The following CCDC187 variants were observed in gnomAD, a reference collection of about 807,000 sequenced individuals.
The protein encoded by CCDC187 is coiled-coil domain containing 187, also known as coiled-coil domain-containing protein 187.
CCDC187 carries 32 observed loss-of-function variants against 38.0 expected under a neutral mutation model. The observed-to-expected ratio is 0.84, with a 90% CI of 0.64 to 1.13. CCDC187 has a LOEUF of 1.13. CCDC187 is among the 50% of genes most tolerant of loss of function. CCDC187 has a pLI of 0.00. For synonymous variants in CCDC187, 333 were observed against 347.9 expected (o/e 0.96, Z 0.48); for missense variants, 707 against 786.8 (o/e 0.90, Z 1.21).
At chr9:136,278,861 G>C (rs1239452801) in intron 10 of CCDC187, among the ~76,000 whole-genome samples, 2 of 151,720 alleles carry the variant, frequency 1.3e-5, no homozygotes, top group East Asian at 3.9e-4. Context: ...TTCATGGCTT[G>C]ACAGCCACAT....
rs1214387777 is a variant in CCDC187 at position 136,267,405 on chromosome 9, G to A, written c.3626C>T (p.Ala1209Val). ...TCACCCTCGTCGATGCTCCAGCCAG[G>A]CCAGCTCCGCGAGCGTTTTCTCCTG... ...ALQEKTLAELAWLEHRRGCLD... is the reference protein window; with the variant it reads ...ALQEKTLAELVWLEHRRGCLD... The change falls in exon 16 of 26, where the codon GCC becomes GTC. Residue 1209 changes from alanine to valine, a missense_variant. By Grantham distance (64) the Ala-to-Val change is moderately conservative (BLOSUM62 0). Coordinates refer to ENST00000638797, the MANE Select transcript of CCDC187 (RefSeq NM_001378188.1). The A allele has an allele frequency of 1.0e-6, 1 of 985,546 alleles. No homozygotes were observed. Among genetic ancestry groups the A allele is most frequent in the Non-Finnish European group, 1.2e-6 (1 of 830,024 alleles). 61.1% of individuals were successfully genotyped at this position (985,546 alleles called of 1,614,324 possible).
intron 4 of CCDC187, among the ~76,000 whole-genome samples, chr9:136,293,237 T>TCACA (rs1472684219): frequency 8.4e-6 from 1 of 119,642 alleles, no homozygotes; most frequent in Admixed American, 8.6e-5. Context: ...ACTCACACGC[T>TCACA]CACACTCACA....
chr9:136,256,440 C>A (rs1830613710), intron 23 of CCDC187, 117 bp from the exon 24 acceptor site: 1 of 333,872 alleles, frequency 3.0e-6, no homozygotes, highest in Admixed American at 6.5e-5. Context: ...ACAAAGACCA[C>A]TCAAAAGAGG....
chr9:136,290,991 G>A lies in CCDC187; in HGVS notation c.1622C>T (p.Pro541Leu). Residue 541 changes from proline to leucine, a missense_variant, in exon 6 of 26, where the codon CCA (proline) becomes CTA (leucine). Coordinates refer to ENST00000638797, the MANE Select transcript of CCDC187 (RefSeq NM_001378188.1). ...PWSAVATQPC[P>L]RRAWTACETW... ...TTCACAGGCAGTCCAGGCCCTCCGT[G>A]GACAGGGCTGTGTGGCTACAGCACT... 2.5e-6 allele frequency: 1 copy of A among 398,700 alleles called. No individual in the cohort carries two copies. The highest frequency in any genetic ancestry group is 4.4e-6 in the Non-Finnish European group (1 of 226,128). The allele number at this position is 398,700 out of a possible 1,614,324, so 24.7% of individuals were successfully genotyped here.
At position 136,253,498 on chromosome 9, in the gene CCDC187, G is replaced by T; in HGVS notation, c.*96C>A. ...GCCAGCTGACAGGTTCAGGCCACTG[G>T]CTGCCTCCGGCCTCATCCCCTGCTG... On this transcript the variant is annotated 3_prime_UTR_variant, in exon 26 of 26. Transcript: ENST00000638797. 2.9e-6 allele frequency: 2 copies of T among 686,626 alleles called. No homozygotes were observed. Among genetic ancestry groups the T allele is most frequent in the Non-Finnish European group, 3.6e-6 (2 of 556,852 alleles). 42.5% of individuals were successfully genotyped at this position (686,626 alleles called of 1,614,324 possible).
At chr9:136,274,018 G>A (rs1830884561) in intron 14 of CCDC187, among the ~76,000 whole-genome samples, 2 of 152,242 alleles carry the variant, frequency 1.3e-5, no homozygotes. Flanking sequence ...AGGTTTCTGT[G>A]CAGCCCACGC....
At chr9:136,289,183 G>C (rs1344876191) in intron 7 of CCDC187, among the ~76,000 whole-genome samples, 8 of 152,194 alleles carry the variant, frequency 5.3e-5, no homozygotes, top group Non-Finnish European at 1.0e-4. Context: ...AGAGAAGCCA[G>C]ACCCGTACTT....
intron 3 of CCDC187, among the ~76,000 whole-genome samples, chr9:136,298,272 C>T (rs1415596078): frequency 6.6e-6 from 1 of 152,180 alleles, no homozygotes; most frequent in Non-Finnish European, 1.5e-5. Context: ...AGAGTGGCAG[C>T]GGCCGGACTG....
chr9:136,259,699 G>A (rs1554760759), intron 20 of CCDC187, among the ~76,000 whole-genome samples: 1 of 152,188 alleles, frequency 6.6e-6, no homozygotes, highest in African/African-American at 2.4e-5. Context: ...GCGCAGGGCA[G>A]GCCCTGCCCA....
In CCDC187 at chr9:136,256,719, G is replaced by A. The variant is rs144119258; in HGVS notation, c.4489C>T (p.Pro1497Ser). 3.9e-5 allele frequency: 6 copies of A among 152,362 alleles called. No homozygotes were observed. Among genetic ancestry groups the A allele is most frequent in the African/African-American group, 1.2e-4 (5 of 41,576 alleles). The allele number at this position is 152,362 out of a possible 1,614,324, so 9.4% of individuals were successfully genotyped here. A position where few individuals can be genotyped will look rare whatever the true frequency, so the allele number is the denominator to read the frequency against. ...ACCCGACTCACGCTGGCTTCTTGTG[G>A]GCCACAAGGACCTTCTCTGCCGCAG... ...RSCGREGPCG[P>S]QEASQVAEDS... Residue 1497 changes from proline to serine, a missense_variant, in exon 23 of 26, where the codon CCA becomes TCA. Coordinates refer to ENST00000638797, the MANE Select transcript of CCDC187 (RefSeq NM_001378188.1).
chr9:136,251,381 G>A lies in CCDC187; in HGVS notation c.*2213C>T, dbSNP rs77470071. On this transcript the variant is annotated 3_prime_UTR_variant, in exon 26 of 26. Transcript: ENST00000638797. Reference sequence around the variant, plus strand: ...AAAAGCCCCCGGCCGTGCGGGCTGCGCAGAAATGACCTTGGGCCCTTGAGC... The same window carrying A: ...AAAAGCCCCCGGCCGTGCGGGCTGCACAGAAATGACCTTGGGCCCTTGAGC... The A allele has an allele frequency of 1.5e-5, 4 of 261,558 alleles. No homozygotes were observed. Among genetic ancestry groups the A allele is most frequent in the East Asian group, 9.4e-5 (1 of 10,688 alleles). 16.2% of individuals were successfully genotyped at this position (261,558 alleles called of 1,614,324 possible). A position where few individuals can be genotyped will look rare whatever the true frequency, so the allele number is the denominator to read the frequency against.
In CCDC187 at chr9:136,254,333, T is replaced by A; in HGVS notation, c.5495A>T (p.Gln1832Leu). ...AGGCCATGGGGACGGAAGAGCCACC[T>A]GGGGCTCCATGCCGCTTCTGACACC... is the stretch of plus-strand genomic sequence containing the variant. Reference protein sequence around the residue: ...KGGVRSGMEPQVALPSPWPGE... With the variant: ...KGGVRSGMEPLVALPSPWPGE... Residue 1832 changes from glutamine to leucine, a missense_variant, in exon 26 of 26, where the codon CAG becomes CTG. Transcript: ENST00000638797. 3.1e-6 allele frequency: 3 copies of A among 978,288 alleles called. No homozygotes were observed. Among genetic ancestry groups the A allele is most frequent in the Non-Finnish European group, 3.6e-6 (3 of 823,812 alleles). 60.6% of individuals were successfully genotyped at this position (978,288 alleles called of 1,614,324 possible). A position where few individuals can be genotyped will look rare whatever the true frequency, so the allele number is the denominator to read the frequency against.
chr9:136,293,846 TCA>T (rs1190338300), intron 4 of CCDC187, among the ~76,000 whole-genome samples: 2 of 76,120 alleles, frequency 2.6e-5, no homozygotes, highest in African/African-American at 4.6e-5. Flanking sequence ...ACACTCGTTC[TCA>T]CACACATTCA....
chr9:136,250,511 C>G lies in CCDC187; in HGVS notation c.*3083G>C, dbSNP rs73560754. 4,640 of 346,324 alleles carry G rather than the reference C, an allele frequency of 0.013. 198 individuals carry two copies. Among genetic ancestry groups the G allele is most frequent in the African/African-American group, 0.09 (4,216 of 46,688 alleles). The allele number at this position is 346,324 out of a possible 1,614,324, so 21.5% of individuals were successfully genotyped here. A position where few individuals can be genotyped will look rare whatever the true frequency, so the allele number is the denominator to read the frequency against. ...TGTGAGATACATAATTCCTCTCACA[C>G]GGCCTCATAAATCCAAAAGGGTCAG... is the stretch of plus-strand genomic sequence containing the variant. On this transcript the variant is annotated 3_prime_UTR_variant, in exon 26 of 26. Transcript: ENST00000638797.
intron 2 of CCDC187, among the ~76,000 whole-genome samples, chr9:136,302,535 G>T (rs1831710894): frequency 2.6e-5 from 4 of 152,320 alleles, no homozygotes; most frequent in Non-Finnish European, 1.5e-5. Context: ...TAGGTCCAGG[G>T]ACCAGGCCCC....
chr9:136,301,064 C>G (rs1040639226), intron 2 of CCDC187, among the ~76,000 whole-genome samples: 1 of 152,204 alleles, frequency 6.6e-6, no homozygotes, highest in African/African-American at 2.4e-5. Context: ...CCAGGCCCTG[C>G]GCGCCTTCAT....
At chr9:136,300,158 C>T in intron 3 of CCDC187, 62 bp downstream of exon 3, 1 of 398,064 alleles carries the variant, frequency 2.5e-6, no homozygotes, top group Non-Finnish European at 4.4e-6. Context: ...GCATGTGCTG[C>T]CCCCATCATG....
chr9:136,294,078 G>A (rs1363443416), intron 4 of CCDC187, among the ~76,000 whole-genome samples: 2 of 74,894 alleles, frequency 2.7e-5, no homozygotes, highest in East Asian at 4.4e-4. Flanking sequence ...ACACTCACAC[G>A]CTCATATACA....
chr9:136,298,246 C>A (rs1831583334), intron 3 of CCDC187, among the ~76,000 whole-genome samples: 2 of 152,196 alleles, frequency 1.3e-5, no homozygotes. Context: ...ACGGGCCAGG[C>A]CCCAAGTGAA....
Sources: allele counts gnomAD v4.1 joint callset (sites outside exome capture counted in the v4.1 genomes callset), GRCh38; gene constraint gnomAD v4.1.1; transcripts MANE v1.5; gene names NCBI Gene and HGNC (gene_info 2026-07-23, HGNC 2026-07-21).